Variants in TIAM1 observed in about 807,000 individuals in gnomAD.
TIAM1 encodes rho guanine nucleotide exchange factor TIAM1.
TIAM1 carries 65 observed loss-of-function variants against 163.5 expected under a neutral mutation model. The ratio of observed to expected loss-of-function variants is 0.40; its 90% CI spans 0.33 to 0.49. TIAM1 has a LOEUF of 0.49. Among genes scored for constraint, TIAM1 ranks in the 20% least tolerant of loss-of-function variants. The probability of loss-of-function intolerance (pLI) is 0.77; values close to 1 mark genes in which losing one functional copy is unlikely to be tolerated. For synonymous variants in TIAM1, 833 were observed against 810.1 expected, an observed-to-expected ratio of 1.03 and a Z score of -0.48; for missense variants, 1,789 against 2,044.7, an observed-to-expected ratio of 0.87 and a Z score of 2.41.
intron 1 of TIAM1, among the ~76,000 whole-genome samples, chr21:31,533,670 C>T (rs1337191710): frequency 6.6e-6 from 1 of 152,128 alleles, no homozygotes; most frequent in Non-Finnish European, 1.5e-5. Context: ...AAGTTTGAGG[C>T]TGCACGAGCT....
In TIAM1 at chr21:31,119,699, C is replaced by A. The variant is rs1398144776; in HGVS notation, c.*669G>T. The A allele has an allele frequency of 6.6e-6, 1 of 152,168 alleles. No homozygotes were observed. The highest frequency in any genetic ancestry group is 1.5e-5 in the Non-Finnish European group (1 of 68,014). The allele number at this position is 152,168 out of a possible 1,614,324, so 9.4% of individuals were successfully genotyped here. On this transcript the variant is annotated 3_prime_UTR_variant, in exon 28 of 28. Transcript: ENST00000541036. ...TAGTGTTTCTTTTCTTTCTCTCAAG[C>A]GATAAATTTGGATCTCTTTTCAAAG...
intron 18 of TIAM1, 96 bp from the exon 19 acceptor site, chr21:31,152,857 C>G (rs750008917): frequency 2.2e-4 from 323 of 1,497,480 alleles, no homozygotes; most frequent in Non-Finnish European, 2.7e-4. Flanking sequence ...CAATTCTTAT[C>G]AATTAAGAGA....
intron 2 of TIAM1, among the ~76,000 whole-genome samples, chr21:31,421,130 TAA>T (rs71193115): frequency 5.9e-5 from 8 of 135,360 alleles, no homozygotes; most frequent in East Asian, 2.1e-4. Flanking sequence ...GACTTCCTCT[TAA>T]AAAAAAAAAA....
chr21:31,535,594 A>G (rs2048107504), intron 1 of TIAM1, among the ~76,000 whole-genome samples: 1 of 152,056 alleles, frequency 6.6e-6, no homozygotes, highest in African/African-American at 2.4e-5. Flanking sequence ...GAGGCTGCCC[A>G]CGTAAAGGGG....
intron 2 of TIAM1, among the ~76,000 whole-genome samples, chr21:31,329,067 T>C (rs2075589835): frequency 6.6e-6 from 1 of 152,226 alleles, no homozygotes; most frequent in South Asian, 2.1e-4. Context: ...GCCTAAATTA[T>C]ATGCAAATGC....
chr21:31,339,498 T>G (rs1395307866), intron 1 of TIAM1, 76 bp from the exon 2 acceptor site: 2 of 398,082 alleles, frequency 5.0e-6, no homozygotes, highest in Non-Finnish European at 8.9e-6. Flanking sequence ...AAGATTATCC[T>G]CAGAAACATT....
At chr21:31,329,488 A>G (rs1235747993) in intron 2 of TIAM1, among the ~76,000 whole-genome samples, 1 of 152,218 alleles carries the variant, frequency 6.6e-6, no homozygotes, top group Non-Finnish European at 1.5e-5. Flanking sequence ...GTCACAGTAC[A>G]TTCAAATACG....
chr21:31,555,227 A>G (rs2048835938), intron 1 of TIAM1, among the ~76,000 whole-genome samples: 1 of 151,206 alleles, frequency 6.6e-6, no homozygotes, highest in Non-Finnish European at 1.5e-5. Flanking sequence ...CTTATATAAA[A>G]TGGAGTACTT....
chr21:31,328,598 T>A (rs188781235), intron 2 of TIAM1, among the ~76,000 whole-genome samples: 134 of 151,968 alleles, frequency 8.8e-4, no homozygotes, highest in East Asian at 4.5e-3. Context: ...AACGTGCAGG[T>A]TGGTTACACA....
chr21:31,434,785 T>G (rs1261924700), intron 2 of TIAM1, among the ~76,000 whole-genome samples: 48 of 152,186 alleles, frequency 3.2e-4, no homozygotes, highest in Admixed American at 3.1e-3. Context: ...AGTGAAGCAC[T>G]ACTACAAGGA....
Position 31,225,707 on chromosome 21 carries a change from A to C in TIAM1, c.1809+19T>G. 1 of 1,603,824 alleles carries C rather than the reference A, an allele frequency of 6.2e-7. No individual in the cohort carries two copies. The highest frequency in any genetic ancestry group is 8.5e-7 in the Non-Finnish European group (1 of 1,177,792). ...GACCTAACAATTTTGTCCGGACCTA[A>C]ACACGGAAGAACGATTACCTGATCT... is the stretch of plus-strand genomic sequence containing the variant. On this transcript the variant is annotated intron_variant, in intron 7 of 27. Coordinates refer to ENST00000541036, the MANE Select transcript of TIAM1 (RefSeq NM_001353694.2).
In TIAM1 at chr21:31,518,209, T is replaced by C. The variant is rs562834723; in HGVS notation, c.-422+40718A>G. Among the ~76,000 whole-genome samples, 194 of 152,248 alleles carry C rather than the reference T, an allele frequency of 1.3e-3. 3 individuals carry two copies. In the Middle Eastern group the frequency reaches 0.014, roughly 11 times the overall value. On this transcript the variant is annotated intron_variant, in intron 1 of 28. Coordinates refer to the TIAM1 transcript ENST00000286827. ...ATGAGCATAGCCCTGCCAATTACAGTTGGGGCCAGTGGAACTCATTTGGGA... is the reference window on the plus strand; with the variant it reads ...ATGAGCATAGCCCTGCCAATTACAGCTGGGGCCAGTGGAACTCATTTGGGA...
At chr21:31,223,077 TAAA>T (rs1199390739) in intron 8 of TIAM1, among the ~76,000 whole-genome samples, 1 of 151,982 alleles carries the variant, frequency 6.6e-6, no homozygotes, top group Admixed American at 6.6e-5. Flanking sequence ...CAAGTTTATA[TAAA>T]AAATATGTAT....
chr21:31,228,414 T>C (rs183938421), intron 6 of TIAM1, among the ~76,000 whole-genome samples: 60 of 152,058 alleles, frequency 3.9e-4, no homozygotes, highest in African/African-American at 1.4e-3. Context: ...GTTGAATATA[T>C]GCATACCCTG....
chr21:31,436,735 A>G (rs1355586398), intron 2 of TIAM1, among the ~76,000 whole-genome samples: 1 of 152,152 alleles, frequency 6.6e-6, no homozygotes, highest in Non-Finnish European at 1.5e-5. Flanking sequence ...ATGCAGGCAG[A>G]TCGTCTGAGG....
At chr21:31,473,293 G>A (rs1427272144) in intron 1 of TIAM1, among the ~76,000 whole-genome samples, 2 of 151,932 alleles carry the variant, frequency 1.3e-5, no homozygotes, top group African/African-American at 4.8e-5. Flanking sequence ...AGCTGGGCGT[G>A]GTGGCGGGTG....
chr21:31,240,984 G>C (rs1347846849), intron 6 of TIAM1, among the ~76,000 whole-genome samples: 2 of 152,114 alleles, frequency 1.3e-5, no homozygotes, highest in African/African-American at 4.8e-5. Context: ...TTTCCATGCT[G>C]TTCTCGTGAT....
chr21:31,531,265 C>T (rs1425647800), intron 1 of TIAM1, among the ~76,000 whole-genome samples: 3 of 152,160 alleles, frequency 2.0e-5, no homozygotes, highest in Admixed American at 2.0e-4. Flanking sequence ...CAATCGGCTC[C>T]CCAGTGAAAA....
intron 1 of TIAM1, among the ~76,000 whole-genome samples, chr21:31,468,937 T>C (rs1430735830): frequency 6.6e-6 from 1 of 151,546 alleles, no homozygotes; most frequent in Non-Finnish European, 1.5e-5. Context: ...CGGAAGAGGG[T>C]CAAGACAGTA....
Sources: gnomAD v4.1 joint callset for allele counts (sites outside exome capture counted in the v4.1 genomes callset) on GRCh38, gnomAD v4.1.1 for gene constraint, MANE v1.5 for transcripts, NCBI Gene and HGNC (gene_info 2026-07-23, HGNC 2026-07-21) for gene names.